The following GBP3 variants were observed in gnomAD, a reference collection of about 807,000 sequenced individuals.
GBP3 encodes the protein guanylate binding protein 3.
In GBP3, 55 loss-of-function variants were observed where a neutral mutation model predicts 62.4. The ratio of observed to expected loss-of-function variants is 0.88; its 90% CI spans 0.71 to 1.10. The LOEUF is 1.10. Ranked by LOEUF, GBP3 falls within the 50% of genes least tolerant of loss-of-function variation. GBP3 has a pLI of 0.00. For synonymous variants in GBP3, 208 were observed against 259.2 expected, an observed-to-expected ratio of 0.80 and a Z score of 1.90; for missense variants, 605 against 690.6, an observed-to-expected ratio of 0.88 and a Z score of 1.39.
intron 2 of GBP3, among the ~76,000 whole-genome samples, chr1:89,019,919 T>A (rs1426821464): frequency 6.6e-6 from 1 of 152,234 alleles, no homozygotes; most frequent in Non-Finnish European, 1.5e-5. Flanking sequence ...ATATATTTTT[T>A]AAAACAATAA....
intron 5 of GBP3, 89 bp from the exon 6 acceptor site, chr1:89,013,516 G>A (rs1424054471): frequency 1.5e-6 from 2 of 1,359,858 alleles, no homozygotes; most frequent in African/African-American, 2.9e-5. Flanking sequence ...CAGGCTAGGT[G>A]GTCTCTTTTC....
In GBP3 at chr1:89,009,874, A is replaced by G. The variant is rs933420741; in HGVS notation, c.1363-380T>C. Among the ~76,000 whole-genome samples the G allele has an allele frequency of 2.0e-5, 3 of 152,302 alleles. 1 individual carries two copies. Among genetic ancestry groups the G allele is most frequent in the Middle Eastern group, 6.8e-3 (2 of 294 alleles). On this transcript the variant is annotated intron_variant, in intron 8 of 10. Transcript: ENST00000370481. The stretch of plus-strand genomic sequence containing the variant: ...GAGAGGGAGAGAACTGTGGGGATGC[A>G]GGGAGGATATCAGGCAGAGAGACAG...
chr1:89,009,397 A>T lies in GBP3; in HGVS notation c.1460T>A (p.Ile487Asn). The change falls in exon 9 of 11, where the codon ATT becomes AAT. Residue 487 changes from isoleucine (I) to asparagine (N), a missense_variant. This residue lies in a region of GBP3 where 160 missense variants were observed against 147.8 expected (regional missense o/e 1.08). Coordinates refer to ENST00000370481, the MANE Select transcript of GBP3 (RefSeq NM_018284.3). ...DQILTEKEKE[I>N]EVECVKAESA... ...TCCTTTGACTTGCTCCTCACCTTCA[A>T]TCTCCTTTTCCTTTTCTGTGAGAAT... 6.2e-7 allele frequency: 1 copy of T among 1,613,900 alleles called. No homozygotes were observed. The highest frequency in any genetic ancestry group is 1.3e-5 in the African/African-American group (1 of 75,016).
intron 10 of GBP3, among the ~76,000 whole-genome samples, chr1:89,008,423 AGT>A (rs1325946202): frequency 6.0e-5 from 9 of 149,458 alleles, no homozygotes; most frequent in African/African-American, 2.2e-4. Context: ...AACAGGCAGG[AGT>A]GGTAGACTGC....
At chr1:89,021,276 A>G (rs1679174702) in intron 1 of GBP3, among the ~76,000 whole-genome samples, 1 of 152,156 alleles carries the variant, frequency 6.6e-6, no homozygotes, top group African/African-American at 2.4e-5. Flanking sequence ...TCACAGTGCC[A>G]TTCTGGAAGT....
chr1:89,020,150 G>T (rs1297268148), intron 2 of GBP3: 1 of 391,924 alleles, frequency 2.6e-6, no homozygotes, highest in Admixed American at 2.8e-5. Flanking sequence ...GAGGTGAGAG[G>T]ATTGCTTGAG....
intron 2 of GBP3, among the ~76,000 whole-genome samples, chr1:89,016,967 T>C (rs958825730): frequency 6.6e-6 from 1 of 152,134 alleles, no homozygotes; most frequent in South Asian, 2.1e-4. Flanking sequence ...CCTATCAAAA[T>C]TCCAATGATT....
intron 6 of GBP3, among the ~76,000 whole-genome samples, chr1:89,012,958 C>T (rs1678652377): frequency 6.6e-6 from 1 of 151,204 alleles, no homozygotes; most frequent in Admixed American, 6.6e-5. Context: ...CTGCCTCAGC[C>T]TCCCAAGTAG....
chr1:89,009,446 C>T lies in GBP3; in HGVS notation c.1411G>A (p.Asp471Asn), dbSNP rs745802861. The T allele has an allele frequency of 1.1e-5, 18 of 1,614,056 alleles. No individual in the cohort carries two copies. The highest frequency in any genetic ancestry group is 2.7e-5 in the African/African-American group (2 of 74,934). The change falls in exon 9 of 11, where the codon GAT becomes AAT. Residue 471 changes from aspartate (D) to asparagine (N), a missense_variant. Around this residue, in one of 3 missense-constraint regions of GBP3, gnomAD observed 160 missense variants for 147.8 expected, o/e 1.08. Transcript: ENST00000370481. Reference sequence around the variant, plus strand: ...ATCTGGTCTGTCTGTAGAATTGCATCGGTCACAGACTCCTTGGATTTCAAG... The same window carrying T: ...ATCTGGTCTGTCTGTAGAATTGCATTGGTCACAGACTCCTTGGATTTCAAG... ...TYLKSKESVT[D>N]AILQTDQILT...
chr1:89,021,510 GCACACA>G (rs1553178198), intron 1 of GBP3, among the ~76,000 whole-genome samples: 12 of 131,734 alleles, frequency 9.1e-5, no homozygotes, highest in East Asian at 7.0e-4. Context: ...GCGCGCGCGC[GCACACA>G]CACACACACA....
At chr1:89,021,533 C>CAG (rs1679207892) in intron 1 of GBP3, among the ~76,000 whole-genome samples, 1 of 142,952 alleles carries the variant, frequency 7.0e-6, no homozygotes, top group Non-Finnish European at 1.6e-5. Context: ...CACACACACA[C>CAG]ACACACACAC....
chr1:89,014,505 T>C (rs369264908), intron 4 of GBP3, 42 bp downstream of exon 4: 70 of 1,613,940 alleles, frequency 4.3e-5, no homozygotes, highest in Non-Finnish European at 5.8e-5. Flanking sequence ...AATACAGGTG[T>C]CCCCTCTGAC....
intron 2 of GBP3, among the ~76,000 whole-genome samples, chr1:89,019,678 C>T (rs1365634911): frequency 1.3e-5 from 2 of 152,178 alleles, no homozygotes; most frequent in African/African-American, 4.8e-5. Flanking sequence ...TATTGAATGA[C>T]TCCACTTATA....
rs773977226 is a variant in GBP3 at position 89,020,670 on chromosome 1, T to C, written c.52A>G (p.Asn18Asp). The C allele has an allele frequency of 6.2e-6, 10 of 1,614,028 alleles. No individual in the cohort carries two copies. The Admixed American group carries it at 1.5e-4, about 24-fold the overall frequency. The change falls in exon 2 of 11, where the codon AAT becomes GAT. Residue 18 changes from asparagine (N) to aspartate (D), a missense_variant. This residue lies in a region of GBP3 where 308 missense variants were observed against 318.0 expected (regional missense o/e 0.97). Transcript: ENST00000370481. The stretch of plus-strand genomic sequence containing the variant: ...TCTGGATTCGCCACCAGTTCCCCAT[T>C]AGTGTTCTCAATGAGGCACATTGGG... ...TGPMCLIENTNGELVANPEAL... is the reference protein window; with the variant it reads ...TGPMCLIENTDGELVANPEAL...
At chr1:89,022,646 T>A (rs1416474843) in intron 1 of GBP3, 38 bp downstream of exon 1, 1 of 152,214 alleles carries the variant, frequency 6.6e-6, no homozygotes, top group Non-Finnish European at 1.5e-5. Flanking sequence ...TGAGCTGAGG[T>A]ACTTCAGAGC....
chr1:89,011,535 G>A (rs535849846), intron 7 of GBP3, among the ~76,000 whole-genome samples: 1 of 139,502 alleles, frequency 7.2e-6, no homozygotes, highest in Non-Finnish European at 1.7e-5. Flanking sequence ...ATTTAATAAA[G>A]GGAAGACCAT....
At position 89,013,261 on chromosome 1, in the gene GBP3, T is replaced by C; in HGVS notation, c.792A>G (p.Val264=). The change falls in exon 6 of 11, where the codon GTA becomes GTG. Residue 264 remains valine (V), a synonymous_variant. Coordinates refer to ENST00000370481, the MANE Select transcript of GBP3 (RefSeq NM_018284.3). ...EELDPEFVQQ[V]ADFCSYIFSN... is the part of the protein sequence containing the mutation. ...TAAAGATGTAGGAACAGAAGTCTGC[T>C]ACTTGTTGCACAAATTCAGGGTCCA... 1 of 1,614,248 alleles carries C rather than the reference T, an allele frequency of 6.2e-7. No homozygotes were observed. The highest frequency in any genetic ancestry group is 1.1e-5 in the South Asian group (1 of 91,084).
intron 1 of GBP3, 36 bp from the exon 2 acceptor site, chr1:89,020,779 A>G: frequency 3.8e-6 from 6 of 1,566,676 alleles, no homozygotes; most frequent in Middle Eastern, 1.7e-4. Context: ...TAGAATTTCC[A>G]GTCTTTTGCA....
chr1:89,008,683 A>G, intron 10 of GBP3, among the ~76,000 whole-genome samples: 1 of 152,110 alleles, frequency 6.6e-6, no homozygotes. Context: ...TAGATAAGGC[A>G]TTTTTATGAT....
Sources: gnomAD v4.1 joint callset for allele counts (sites outside exome capture counted in the v4.1 genomes callset) on GRCh38, gnomAD v4.1.1 for gene constraint, gnomAD v4.1.1 regional missense constraint, MANE v1.5 for transcripts, NCBI Gene and HGNC (gene_info 2026-07-23, HGNC 2026-07-21) for gene names.